The following CDK19 variants were observed in gnomAD, a reference collection of about 807,000 sequenced individuals.
CDK19 encodes the protein cyclin dependent kinase 19.
A neutral mutation model predicts 68.3 loss-of-function variants in CDK19; 20 were observed. The observed-to-expected ratio is 0.29, with a 90% CI of 0.21 to 0.43. CDK19 has a LOEUF of 0.43. Among genes scored for constraint, CDK19 ranks in the 20% least tolerant of loss-of-function variants. CDK19 has a pLI of 1.00. For missense variants in CDK19, 339 were observed against 623.5 expected, an observed-to-expected ratio of 0.54 and a Z score of 4.86; for synonymous variants, 221 against 222.8, an observed-to-expected ratio of 0.99 and a Z score of 0.07.
intron 1 of CDK19, among the ~76,000 whole-genome samples, chr6:110,776,154 C>T (rs949099334): frequency 2.0e-5 from 3 of 152,110 alleles, no homozygotes; most frequent in East Asian, 1.9e-4. Flanking sequence ...AATAGCCAGG[C>T]GCAGTGGCTC....
At chr6:110,652,703 C>T (rs965390507) in intron 4 of CDK19, among the ~76,000 whole-genome samples, 2 of 152,164 alleles carry the variant, frequency 1.3e-5, no homozygotes, top group Non-Finnish European at 2.9e-5. Flanking sequence ...GAAGTTCTTG[C>T]AGTCACACTA....
intron 3 of CDK19, among the ~76,000 whole-genome samples, chr6:110,668,522 C>A (rs1782088193): frequency 6.6e-6 from 1 of 152,082 alleles, no homozygotes; most frequent in African/African-American, 2.4e-5. Flanking sequence ...GTATAACTTT[C>A]CACTTTTTAA....
rs1312806642 is a variant in CDK19 at position 110,744,331 on chromosome 6, T to A, written c.204+1795A>T. ...GCCACAAATACCACTTTATAATCAA[T>A]GGAAAATCACCAAATTAGAATTTTT... On this transcript the variant is annotated intron_variant, in intron 2 of 12. Coordinates refer to ENST00000368911, the MANE Select transcript of CDK19 (RefSeq NM_015076.5). Among the ~76,000 whole-genome samples the A allele has an allele frequency of 2.6e-5, 4 of 151,644 alleles. No individual in the cohort carries two copies. The East Asian group carries it at 7.9e-4, about 30-fold the overall frequency.
chr6:110,645,636 C>A (rs1033384727), intron 4 of CDK19: 5 of 307,586 alleles, frequency 1.6e-5, no homozygotes, highest in Non-Finnish European at 2.6e-5. Flanking sequence ...TACAGGGACT[C>A]ACGAGCCGGA....
At chr6:110,801,287 C>A (rs1782326170) in intron 1 of CDK19, among the ~76,000 whole-genome samples, 1 of 152,008 alleles carries the variant, frequency 6.6e-6, no homozygotes, top group Non-Finnish European at 1.5e-5. Context: ...GAGTTCAAGA[C>A]CAGCTTTGGC....
chr6:110,807,738 G>C (rs1013601260), intron 1 of CDK19, among the ~76,000 whole-genome samples: 1 of 152,222 alleles, frequency 6.6e-6, no homozygotes, highest in South Asian at 2.1e-4. Context: ...TGGGATTATA[G>C]GCATAAGCCA....
intron 1 of CDK19, among the ~76,000 whole-genome samples, chr6:110,800,580 C>A (rs181572767): frequency 5.3e-5 from 8 of 152,234 alleles, no homozygotes; most frequent in African/African-American, 1.9e-4. Context: ...AATCCAGCAG[C>A]ACATTGAAAA....
At chr6:110,803,417 G>GT (rs79483056) in intron 1 of CDK19, among the ~76,000 whole-genome samples, 23,791 of 152,030 alleles carry the variant, frequency 0.16, 2,078 homozygotes, top group East Asian at 0.32. Flanking sequence ...ACTATACTAA[G>GT]TTTTTTTACC....
At chr6:110,689,068 T>TAC (rs1772754039) in intron 2 of CDK19, among the ~76,000 whole-genome samples, 1 of 152,136 alleles carries the variant, frequency 6.6e-6, no homozygotes, top group Admixed American at 6.5e-5. Context: ...GCTAGCAGAA[T>TAC]ACGGTGGGTG....
chr6:110,763,815 CTT>C (rs1418201263), intron 1 of CDK19, among the ~76,000 whole-genome samples: 3 of 152,120 alleles, frequency 2.0e-5, no homozygotes, highest in Non-Finnish European at 4.4e-5. Flanking sequence ...AAAAATAAAA[CTT>C]TGTTCACAGA....
chr6:110,714,816 C>T (rs748976210), intron 2 of CDK19, among the ~76,000 whole-genome samples: 1 of 151,236 alleles, frequency 6.6e-6, no homozygotes, highest in Non-Finnish European at 1.5e-5. Context: ...TCACTGCAAC[C>T]TCTGACTCTC....
chr6:110,805,761 T>C (rs1419373368), intron 1 of CDK19, among the ~76,000 whole-genome samples: 2 of 152,230 alleles, frequency 1.3e-5, no homozygotes, highest in African/African-American at 4.8e-5. Context: ...ATATTTTATA[T>C]ACTTTAAAAA....
At chr6:110,633,089 C>T (rs913580745) in intron 5 of CDK19, among the ~76,000 whole-genome samples, 5 of 151,942 alleles carry the variant, frequency 3.3e-5, no homozygotes, top group African/African-American at 7.2e-5. Context: ...CGTGGTGGCG[C>T]GCACCTGTAG....
intron 4 of CDK19, among the ~76,000 whole-genome samples, chr6:110,667,090 C>T (rs1781990049): frequency 6.6e-6 from 1 of 152,068 alleles, no homozygotes; most frequent in African/African-American, 2.4e-5. Flanking sequence ...GTATTAATTA[C>T]ATTTTTACTA....
chr6:110,736,733 C>A (rs1256304348), intron 2 of CDK19, among the ~76,000 whole-genome samples: 2 of 151,976 alleles, frequency 1.3e-5, no homozygotes, highest in East Asian at 3.9e-4. Flanking sequence ...AAGTTATTAC[C>A]AATAATAATA....
chr6:110,808,480 AGAGTT>A (rs1450729073), intron 1 of CDK19, among the ~76,000 whole-genome samples: 3 of 152,228 alleles, frequency 2.0e-5, no homozygotes, highest in African/African-American at 7.2e-5. Flanking sequence ...GCACTACAAT[AGAGTT>A]GAGTAATTGC....
At chr6:110,776,866 C>T (rs569419171) in intron 1 of CDK19, among the ~76,000 whole-genome samples, 8 of 152,330 alleles carry the variant, frequency 5.3e-5, no homozygotes, top group African/African-American at 1.9e-4. Flanking sequence ...AGGCACAGTT[C>T]TAAGAGTTGT....
chr6:110,662,944 T>C (rs1252341583), intron 4 of CDK19, among the ~76,000 whole-genome samples: 3 of 152,190 alleles, frequency 2.0e-5, no homozygotes, highest in African/African-American at 7.2e-5. Context: ...ATTTCTGTAT[T>C]AAATTCTAGG....
chr6:110,652,762 G>A (rs55668510), intron 4 of CDK19, among the ~76,000 whole-genome samples: 1 of 152,226 alleles, frequency 6.6e-6, no homozygotes, highest in African/African-American at 2.4e-5. Flanking sequence ...GACACAGAGA[G>A]AGAAAGGAGG....
Sources: gnomAD v4.1 joint callset for allele counts (sites outside exome capture counted in the v4.1 genomes callset) on GRCh38, gnomAD v4.1.1 for gene constraint, MANE v1.5 for transcripts, NCBI Gene and HGNC (gene_info 2026-07-23, HGNC 2026-07-21) for gene names.